The following PCDHA3 variants were observed in gnomAD, a reference collection of about 807,000 sequenced individuals.
PCDHA3 encodes the protein protocadherin alpha-3.
PCDHA3 carries 41 observed loss-of-function variants against 62.2 expected under a neutral mutation model. The ratio of observed to expected loss-of-function variants is 0.66; its 90% confidence interval spans 0.51 to 0.86. PCDHA3 has a LOEUF of 0.86. Among genes scored for constraint, PCDHA3 ranks in the 40% least tolerant of loss-of-function variants. PCDHA3 has a pLI of 0.00. For synonymous variants in PCDHA3, 640 were observed against 555.4 expected (o/e 1.15, Z -2.14); for missense variants, 1,304 against 1,241.2 (o/e 1.05, Z -0.76).
intron 1 of PCDHA3, chr5:140,814,098 C>A (rs1252284807): frequency 6.5e-6 from 1 of 153,524 alleles, no homozygotes. Context: ...TTTGTAATAA[C>A]GCTTAGCTTA....
chr5:140,956,433 C>T (rs1260145380), intron 1 of PCDHA3, among the ~76,000 whole-genome samples: 6 of 152,098 alleles, frequency 3.9e-5, no homozygotes, highest in African/African-American at 1.4e-4. Context: ...TTTAGTTCTG[C>T]TTATGTGATG....
At chr5:140,999,855 G>A (rs1019104615) in intron 3 of PCDHA3, among the ~76,000 whole-genome samples, 8 of 152,094 alleles carry the variant, frequency 5.3e-5, no homozygotes, top group Admixed American at 2.6e-4. Context: ...TATCTCTTCC[G>A]CTCCAAGATT....
chr5:140,945,182 A>G (rs2093754559), intron 1 of PCDHA3, among the ~76,000 whole-genome samples: 1 of 152,174 alleles, frequency 6.6e-6, no homozygotes, highest in Non-Finnish European at 1.5e-5. Context: ...ATAAATCAAG[A>G]AAACCATGCT....
At chr5:140,891,201 T>C (rs1301476369) in intron 1 of PCDHA3, among the ~76,000 whole-genome samples, 3 of 152,214 alleles carry the variant, frequency 2.0e-5, no homozygotes, top group Non-Finnish European at 4.4e-5. Context: ...TTTGCAGTTT[T>C]ACCATGCTGT....
chr5:140,877,228 G>A, intron 1 of PCDHA3: 2 of 1,613,700 alleles, frequency 1.2e-6, no homozygotes, highest in Non-Finnish European at 1.7e-6. Context: ...GCGGTCGGTG[G>A]GTGCGGGCCA....
intron 3 of PCDHA3, among the ~76,000 whole-genome samples, chr5:140,993,305 G>C (rs1405035028): frequency 6.6e-6 from 1 of 151,998 alleles, no homozygotes; most frequent in African/African-American, 2.4e-5. Flanking sequence ...CTTGCCTCCA[G>C]GATAATACCT....
intron 1 of PCDHA3, chr5:140,808,221 A>G (rs566917401): frequency 6.2e-7 from 1 of 1,614,226 alleles, no homozygotes; most frequent in African/African-American, 1.3e-5. Context: ...GACAACAACG[A>G]TAATGTCCCA....
At chr5:140,987,322 T>G (rs1160600975) in intron 3 of PCDHA3, among the ~76,000 whole-genome samples, 3 of 152,200 alleles carry the variant, frequency 2.0e-5, no homozygotes, top group Non-Finnish European at 4.4e-5. Flanking sequence ...CTGTGAAGTT[T>G]TAAGAACTGG....
At position 140,801,536 on chromosome 5, in the gene PCDHA3, G is replaced by T; in HGVS notation, c.339G>T (p.Pro113=). 6.2e-7 allele frequency: 1 copy of T among 1,614,262 alleles called. No individual in the cohort carries two copies. The highest frequency in any genetic ancestry group is 8.5e-7 in the Non-Finnish European group (1 of 1,180,056). ...SIHLEVIVDR[P]LQVFHVEVEV... ...ACCTGGAGGTGATCGTGGACAGGCC[G>T]CTGCAGGTTTTCCATGTGGAGGTGG... Residue 113 remains proline, a synonymous_variant, in exon 1 of 4, where the codon CCG becomes CCT. Coordinates refer to ENST00000522353, the MANE Select transcript of PCDHA3 (RefSeq NM_018906.3).
Position 140,829,887 on chromosome 5 carries a change from C to T in PCDHA3, c.2394+26296C>T, listed in dbSNP as rs200115025. On this transcript the variant is annotated intron_variant, in intron 1 of 3. Transcript: ENST00000522353. ...GTGGCGAAGGTGCGCGCAGTTGACGCCGACTCAGGCTACAACGCGTGGCTT... is the reference window on the plus strand; with the variant it reads ...GTGGCGAAGGTGCGCGCAGTTGACGTCGACTCAGGCTACAACGCGTGGCTT... 91 of 1,613,822 alleles carry T rather than the reference C, an allele frequency of 5.6e-5. No homozygotes were observed. The highest frequency in any genetic ancestry group is 7.5e-5 in the Non-Finnish European group (89 of 1,179,888).
At chr5:141,005,861 C>T (rs921854027) in intron 3 of PCDHA3, among the ~76,000 whole-genome samples, 2 of 151,860 alleles carry the variant, frequency 1.3e-5, no homozygotes, top group Admixed American at 6.6e-5. Flanking sequence ...ACAGGAGGGT[C>T]GATTGAGTCC....
intron 1 of PCDHA3, chr5:140,876,833 C>A: frequency 1.2e-6 from 2 of 1,614,176 alleles, no homozygotes; most frequent in Admixed American, 1.7e-5. Flanking sequence ...AATGCGCCTG[C>A]GTTCGCGCAG....
chr5:140,869,654 C>T, intron 1 of PCDHA3: 1 of 1,613,446 alleles, frequency 6.2e-7, no homozygotes, highest in Non-Finnish European at 8.5e-7. Flanking sequence ...GATTCACCAA[C>T]AAATGGTAAG....
At chr5:140,868,066 G>A (rs2050262102) in intron 1 of PCDHA3, 1 of 151,806 alleles carries the variant, frequency 6.6e-6, no homozygotes. Context: ...AGATGTTCAG[G>A]GTGATTTTAT....
chr5:140,854,663 C>G (rs1359601461), intron 1 of PCDHA3: 1 of 149,774 alleles, frequency 6.7e-6, no homozygotes, highest in Non-Finnish European at 1.5e-5. Context: ...TAAATTAACC[C>G]TTGCATAAGA....
Position 140,801,391 on chromosome 5 carries a change from G to C in PCDHA3, c.194G>C (p.Arg65Pro). Residue 65 changes from arginine (R) to proline (P), a missense_variant, in exon 1 of 4, where the codon CGG (arginine) becomes CCG (proline). By Grantham distance (103) the Arg-to-Pro change is moderately radical. Transcript: ENST00000522353. Reference sequence around the variant, plus strand: ...GCGGAGCTGGTGCCGCGCCTGTTCCGGGTGGCGTCCAAAAGACACGGGGAC... The same window carrying C: ...GCGGAGCTGGTGCCGCGCCTGTTCCCGGTGGCGTCCAAAAGACACGGGGAC... ...ELAELVPRLF[R>P]VASKRHGDLL... 2 of 1,613,636 alleles carry C rather than the reference G, an allele frequency of 1.2e-6. No homozygotes were observed. The highest frequency in any genetic ancestry group is 8.5e-7 in the Non-Finnish European group (1 of 1,179,998).
rs782416127 is a variant in PCDHA3, at chr5:140,803,477, T to C, written c.2280T>C (p.Ser760=). The stretch of plus-strand genomic sequence containing the variant: ...AGCAGAGGCAGCAGAGGGTGTGCTC[T>C]GGAGAGGGGTTGCCCAAGACCGACC... ...YSQQRQQRVC[S]GEGLPKTDLM... The change falls in exon 1 of 4, where the codon TCT becomes TCC. Residue 760 remains serine, a synonymous_variant. Transcript: ENST00000522353. The C allele has an allele frequency of 2.5e-6, 4 of 1,614,096 alleles. No individual in the cohort carries two copies. Among genetic ancestry groups the C allele is most frequent in the Non-Finnish European group, 3.4e-6 (4 of 1,180,052 alleles).
intron 1 of PCDHA3, chr5:140,829,605 C>G (rs2150171072): frequency 9.9e-6 from 16 of 1,611,986 alleles, no homozygotes; most frequent in Non-Finnish European, 1.2e-5. Context: ...CGCGCGTTGT[C>G]GAGCTACATT....
At chr5:140,883,333 G>T (rs1554177722) in intron 1 of PCDHA3, 1 of 1,614,066 alleles carries the variant, frequency 6.2e-7, no homozygotes, top group Non-Finnish European at 8.5e-7. Flanking sequence ...TCACTTCTTT[G>T]TCACTCCCCA....
Sources: allele counts gnomAD v4.1 joint callset (sites outside exome capture counted in the v4.1 genomes callset), GRCh38; gene constraint gnomAD v4.1.1; transcripts MANE v1.5; gene names NCBI Gene and HGNC (gene_info 2026-07-23, HGNC 2026-07-21).